Variants in ANK2 observed in about 807,000 individuals in gnomAD.
ANK2 encodes the protein ankyrin-2.
ANK2 carries 83 observed loss-of-function variants against 360.5 expected under a neutral mutation model. The observed-to-expected ratio is 0.23, with a 90% CI of 0.19 to 0.28. ANK2 has a LOEUF of 0.28. ANK2 is among the 10% of genes least tolerant of loss of function. ANK2 has a pLI of 1.00. For missense variants in ANK2, 4,201 were observed against 4,795.7 expected (o/e 0.88, Z 3.66); for synonymous variants, 1,740 against 1,759.5 (o/e 0.99, Z 0.28).
intron 45 of ANK2, chr4:113,373,759 T>A (rs1233304818): frequency 2.0e-6 from 1 of 497,974 alleles, no homozygotes; most frequent in African/African-American, 1.9e-5. Flanking sequence ...ACAATTCTAT[T>A]TGCTGGGCAA....
chr4:112,854,847 G>A (rs1220712809), intron 1 of ANK2, among the ~76,000 whole-genome samples: 1 of 152,144 alleles, frequency 6.6e-6, no homozygotes, highest in Non-Finnish European at 1.5e-5. Flanking sequence ...CAGAGAGAGA[G>A]CTCAGTGTGG....
At chr4:113,334,620 A>G (rs1214306767) in intron 29 of ANK2, among the ~76,000 whole-genome samples, 2 of 128,556 alleles carry the variant, frequency 1.6e-5, no homozygotes, top group African/African-American at 8.0e-5. Flanking sequence ...TAGAAAGTTA[A>G]TAGATTAATT....
the ANK2 span, among the ~76,000 whole-genome samples, chr4:112,707,945 T>C: frequency 9.2e-5 from 14 of 152,238 alleles, no homozygotes; most frequent in Admixed American, 4.6e-4. Context: ...GTTCAGGCTT[T>C]CATTTATATG....
chr4:113,192,380 T>C (rs1484507642), intron 2 of ANK2, among the ~76,000 whole-genome samples: 2 of 152,112 alleles, frequency 1.3e-5, no homozygotes, highest in African/African-American at 4.8e-5. Flanking sequence ...TATAAAAAGT[T>C]TCACCAAAAC....
intron 2 of ANK2, among the ~76,000 whole-genome samples, chr4:112,958,654 C>A (rs1253545571): frequency 2.6e-5 from 4 of 151,884 alleles, no homozygotes; most frequent in African/African-American, 9.7e-5. Context: ...GAGAGGGCTG[C>A]TCTTGTTTTA....
chr4:113,017,022 T>C (rs1295164853), intron 2 of ANK2, among the ~76,000 whole-genome samples: 1 of 152,200 alleles, frequency 6.6e-6, no homozygotes, highest in Admixed American at 6.5e-5. Flanking sequence ...TTTTATGCAG[T>C]ATACACTTAG....
Position 113,287,620 on chromosome 4 carries a change from T to G in ANK2, c.2095T>G (p.Leu699Val). The G allele has an allele frequency of 6.2e-7, 1 of 1,612,064 alleles. No homozygotes were observed. The highest frequency in any genetic ancestry group is 1.7e-5 in the Admixed American group (1 of 60,026). The change falls in exon 19 of 46, where the codon TTA becomes GTA. Residue 699 changes from leucine to valine, a missense_variant. Transcript: ENST00000357077. ...CTTTCTGTAGAGTGGACTCACATCC[T>G]TACACCTTGCAGCCCAGGAAGATAA... ...HMSTKSGLTS[L>V]HLAAQEDKVN...
Position 113,339,337 on chromosome 4 carries a change from C to T in ANK2, c.3893+15C>T. On this transcript the variant is annotated intron_variant, in intron 32 of 45. Coordinates refer to ENST00000357077, the MANE Select transcript of ANK2 (RefSeq NM_001148.6). Reference sequence around the variant, plus strand: ...GTGTCTGCCAGGTATCGTTATATAGCACAGAAAAGCCCACTATGATATGTT... The same window carrying T: ...GTGTCTGCCAGGTATCGTTATATAGTACAGAAAAGCCCACTATGATATGTT... 1.3e-6 allele frequency: 2 copies of T among 1,597,812 alleles called. No individual in the cohort carries two copies. The highest frequency in any genetic ancestry group is 1.7e-6 in the Non-Finnish European group (2 of 1,165,268).
chr4:113,377,948 T>C (rs77944949), intron 45 of ANK2: 3 of 268,618 alleles, frequency 1.1e-5, no homozygotes, highest in Admixed American at 1.1e-4. Flanking sequence ...AACTCCAAAC[T>C]TAAGTCTGCT....
At chr4:112,858,399 T>G (rs1023219511) in intron 1 of ANK2, among the ~76,000 whole-genome samples, 2 of 152,152 alleles carry the variant, frequency 1.3e-5, no homozygotes, top group Non-Finnish European at 2.9e-5. Flanking sequence ...ATATCAACCT[T>G]GCAAGGTAGA....
rs189002664 is a variant in ANK2 at position 113,186,456 on chromosome 4, A to G, written c.187-9912A>G. Among the ~76,000 whole-genome samples, 103 of 152,266 alleles carry G rather than the reference A, an allele frequency of 6.8e-4. 1 individual carries two copies. The East Asian group carries it at 0.019, about 28-fold the overall frequency. ...CACGAAGATGAAGAAAAACCAGGGC[A>G]AAAAGGCTGAAAAAAAGATTCTAAA... On this transcript the variant is annotated intron_variant, in intron 2 of 45. Coordinates refer to ENST00000357077, the MANE Select transcript of ANK2 (RefSeq NM_001148.6).
intron 1 of ANK2, among the ~76,000 whole-genome samples, chr4:113,111,257 G>A (rs2094264848): frequency 6.6e-6 from 1 of 152,124 alleles, no homozygotes; most frequent in South Asian, 2.1e-4. Flanking sequence ...TTATCCAAAT[G>A]ACACATCTAG....
At position 113,354,543 on chromosome 4, in the gene ANK2, A is replaced by G. The variant is rs370283969; in HGVS notation, c.5925A>G (p.Val1975=). ...PSGKTEKQPP[V]SPTSKTERIE... ...GCAAAACAGAAAAGCAACCACCTGTATCCCCCACTTCAAAAACAGAGAGGA... is the reference window on the plus strand; with the variant it reads ...GCAAAACAGAAAAGCAACCACCTGTGTCCCCCACTTCAAAAACAGAGAGGA... The change falls in exon 38 of 46, where the codon GTA becomes GTG. Residue 1975 remains valine (V), a synonymous_variant. Transcript: ENST00000357077. The G allele has an allele frequency of 6.2e-7, 1 of 1,614,150 alleles. No individual in the cohort carries two copies. Among genetic ancestry groups the G allele is most frequent in the Non-Finnish European group, 8.5e-7 (1 of 1,179,988 alleles).
chr4:113,361,520 A>C (rs1438530199), intron 39 of ANK2, among the ~76,000 whole-genome samples: 2 of 151,642 alleles, frequency 1.3e-5, no homozygotes, highest in South Asian at 2.1e-4. Flanking sequence ...CTATTAAAGC[A>C]AGATTCTCAG....
rs147663332 is a variant in ANK2 at position 112,863,125 on chromosome 4, G to T, written c.-39-41330G>T. Among the ~76,000 whole-genome samples, 18 of 152,230 alleles carry T rather than the reference G, an allele frequency of 1.2e-4. 1 individual carries two copies. In the East Asian group the frequency reaches 3.3e-3, roughly 28 times the overall value. ...CTTATTTCTTTCCCCCAAGCATGCT[G>T]TATTTTTTTCTTTGAAAAAATGATT... On this transcript the variant is annotated intron_variant, in intron 1 of 30. Transcript: ENST00000503271.
In ANK2 at chr4:113,049,666, C is replaced by A; in HGVS notation, c.-63C>A. On this transcript the variant is annotated 5_prime_UTR_variant, in exon 1 of 46. Transcript: ENST00000357077. ...CTTTCCTCCAGTAAGTGCATACCCG[C>A]TAGTGGTCTGTACAGGCGGCACGGT... 6.3e-7 allele frequency: 1 copy of A among 1,576,098 alleles called. No homozygotes were observed. The highest frequency in any genetic ancestry group is 1.1e-5 in the South Asian group (1 of 88,794).
intron 18 of ANK2, among the ~76,000 whole-genome samples, chr4:113,285,194 AC>A (rs573222756): frequency 6.1e-4 from 93 of 151,346 alleles, no homozygotes; most frequent in African/African-American, 2.1e-3. Flanking sequence ...CTATTCTCAC[AC>A]CTACCACACA....
chr4:112,860,483 C>T (rs2067663229), intron 1 of ANK2, among the ~76,000 whole-genome samples: 2 of 152,022 alleles, frequency 1.3e-5, no homozygotes, highest in South Asian at 2.1e-4. Flanking sequence ...CCTTTGAACA[C>T]TAGAAAAAAA....
At position 113,088,362 on chromosome 4, in the gene ANK2, G is replaced by A. The variant is rs75175823; in HGVS notation, c.84+38550G>A. On this transcript the variant is annotated intron_variant, in intron 1 of 45. Coordinates refer to ENST00000357077, the MANE Select transcript of ANK2 (RefSeq NM_001148.6). ...AATGGGCAAGGGGACAAGCTGGGGAGGTTTCAGCATTTTAGAATATACATG... is the reference window on the plus strand; with the variant it reads ...AATGGGCAAGGGGACAAGCTGGGGAAGTTTCAGCATTTTAGAATATACATG... Among the ~76,000 whole-genome samples the A allele has an allele frequency of 9.5e-3, 1,446 of 152,226 alleles. 41 individuals are homozygous for A. The East Asian group carries it at 0.1, about 11-fold the overall frequency.
Sources: gnomAD v4.1 joint callset for allele counts (sites outside exome capture counted in the v4.1 genomes callset) on GRCh38, gnomAD v4.1.1 for gene constraint, MANE v1.5 for transcripts, NCBI Gene and HGNC (gene_info 2026-07-23, HGNC 2026-07-21) for gene names.